Variants in PALS2 observed in about 807,000 individuals in gnomAD.
PALS2 encodes the protein protein associated with LIN7 2, MAGUK p55 family member.
Under a neutral mutation model 61.6 loss-of-function variants are expected in PALS2, and 27 were observed. The observed-to-expected ratio is 0.44, with a 90% CI of 0.32 to 0.60. PALS2 has a LOEUF of 0.60. PALS2 is among the 20% of genes least tolerant of loss of function. The pLI is 0.05. For missense variants in PALS2, 554 were observed against 639.4 expected, an observed-to-expected ratio of 0.87 and a Z score of 1.44; for synonymous variants, 236 against 218.6, an observed-to-expected ratio of 1.08 and a Z score of -0.70.
chr7:24,644,495 G>GGTGT (rs1309158461), intron 3 of PALS2, among the ~76,000 whole-genome samples: 5 of 149,266 alleles, frequency 3.3e-5, no homozygotes, highest in South Asian at 4.2e-4. Flanking sequence ...GGTATTCCAT[G>GGTGT]GTGTGTGTGT....
Position 24,687,266 on chromosome 7 carries a change from C to T in PALS2, c.1447-172C>T, listed in dbSNP as rs1348661172. ...ATGAGTGTTGTTGGAAAGAATAAGA[C>T]ATGAACAGATGGCAGTGTTGTCTTT... On this transcript the variant is annotated intron_variant, in intron 11 of 11. Transcript: ENST00000222644. The surrounding 1 kb of genome is among the most constrained non-coding windows in gnomAD (Gnocchi z 4.5). Among the ~76,000 whole-genome samples, 1 of 152,098 alleles carries T rather than the reference C, an allele frequency of 6.6e-6. No homozygotes were observed. The highest frequency in any genetic ancestry group is 1.5e-5 in the Non-Finnish European group (1 of 68,000).
At chr7:24,629,642 AC>A (rs1784909344) in intron 2 of PALS2, among the ~76,000 whole-genome samples, 1 of 152,276 alleles carries the variant, frequency 6.6e-6, no homozygotes, top group African/African-American at 2.4e-5. Flanking sequence ...CAAGAAAAAA[AC>A]AACCCCATCA....
chr7:24,678,301 C>G (rs879039958), intron 9 of PALS2, among the ~76,000 whole-genome samples: 1 of 152,134 alleles, frequency 6.6e-6, no homozygotes, highest in South Asian at 2.1e-4. Context: ...AAAAGGATCT[C>G]CTACTTCTAA....
At chr7:24,648,217 A>G (rs565387101) in intron 3 of PALS2, among the ~76,000 whole-genome samples, 1 of 151,982 alleles carries the variant, frequency 6.6e-6, no homozygotes, top group East Asian at 1.9e-4. Flanking sequence ...TTTGAACTTG[A>G]ATTCTATCCA....
chr7:24,578,236 C>T (rs935496980), intron 1 of PALS2, among the ~76,000 whole-genome samples: 7 of 152,190 alleles, frequency 4.6e-5, no homozygotes, highest in African/African-American at 1.7e-4. Context: ...TAAGCATGAA[C>T]CACCACACCC....
intron 2 of PALS2, among the ~76,000 whole-genome samples, chr7:24,624,700 G>C (rs1449474274): frequency 1.4e-5 from 2 of 143,456 alleles, no homozygotes; most frequent in East Asian, 4.5e-4. Flanking sequence ...TCTGCCTGCT[G>C]GGTTCAAGTG....
intron 1 of PALS2, among the ~76,000 whole-genome samples, chr7:24,601,618 C>CT (rs539169189): frequency 1.6e-3 from 238 of 151,016 alleles, no homozygotes; most frequent in Non-Finnish European, 2.5e-3. Context: ...AGCAGCATGT[C>CT]TTTTTTTTTG....
intron 2 of PALS2, among the ~76,000 whole-genome samples, chr7:24,624,675 C>T (rs1261529573): frequency 1.4e-5 from 2 of 138,422 alleles, no homozygotes; most frequent in Admixed American, 7.6e-5. Context: ...GGCACGATCT[C>T]AGCTCACTGC....
intron 11 of PALS2, among the ~76,000 whole-genome samples, chr7:24,683,264 C>T (rs1034765067): frequency 6.6e-6 from 1 of 152,096 alleles, no homozygotes; most frequent in African/African-American, 2.4e-5. Context: ...TTCTGAGGTA[C>T]GATTGATACA....
intron 2 of PALS2, among the ~76,000 whole-genome samples, chr7:24,640,871 G>A (rs995876959): frequency 1.3e-5 from 2 of 151,960 alleles, no homozygotes; most frequent in East Asian, 1.9e-4. Flanking sequence ...AGCCAGGCTT[G>A]GTGGCGGGTA....
At chr7:24,647,740 A>G (rs887727208) in intron 3 of PALS2, among the ~76,000 whole-genome samples, 5 of 152,208 alleles carry the variant, frequency 3.3e-5, no homozygotes. Context: ...TGCAGTTTCA[A>G]GTGGTAACAA....
chr7:24,663,593 T>C lies in PALS2; in HGVS notation c.655T>C (p.Phe219Leu), dbSNP rs762144342. 21 of 1,589,470 alleles carry C rather than the reference T, an allele frequency of 1.3e-5. No individual in the cohort carries two copies. The highest frequency in any genetic ancestry group is 1.5e-5 in the Non-Finnish European group (18 of 1,161,942). ...TTAATTGTGCTATGTGTTTTAGGTA[T>C]TTGTGAAGTGTCATTTTGATTATAA... ...YRDTITPQQV[F>L]VKCHFDYNPY... Residue 219 changes from phenylalanine (F) to leucine (L), a missense_variant, in exon 6 of 12, where the codon TTT (phenylalanine) becomes CTT (leucine). By Grantham distance (22) the Phe-to-Leu change is conservative (BLOSUM62 0). Transcript: ENST00000222644.
intron 1 of PALS2, among the ~76,000 whole-genome samples, chr7:24,598,765 A>G (rs181131302): frequency 1.1e-4 from 16 of 152,162 alleles, no homozygotes; most frequent in African/African-American, 3.9e-4. Context: ...TTAATATTCC[A>G]TGCAAGGATT....
intron 9 of PALS2, among the ~76,000 whole-genome samples, chr7:24,676,226 G>A (rs952751750): frequency 3.9e-5 from 6 of 152,000 alleles, no homozygotes; most frequent in Non-Finnish European, 2.9e-5. Context: ...GGGGTTGTTT[G>A]TTTTTTTCTT....
intron 1 of PALS2, among the ~76,000 whole-genome samples, chr7:24,609,305 CTGAG>C (rs1784032462): frequency 6.6e-6 from 1 of 152,168 alleles, no homozygotes; most frequent in Non-Finnish European, 1.5e-5. Context: ...TGGTCAGGCA[CTGAG>C]TAAGTGGTGG....
chr7:24,684,034 A>G (rs535453089), intron 11 of PALS2, among the ~76,000 whole-genome samples: 2 of 152,298 alleles, frequency 1.3e-5, no homozygotes, highest in African/African-American at 4.8e-5. Context: ...CATTACTGTG[A>G]ACAGTCCCCC....
intron 11 of PALS2, among the ~76,000 whole-genome samples, chr7:24,685,496 TC>T (rs996824482): frequency 6.6e-6 from 1 of 151,746 alleles, no homozygotes; most frequent in East Asian, 1.9e-4. Context: ...TGTCTCCTCC[TC>T]CCCCCCATTT....
chr7:24,599,034 T>C (rs1783621569), intron 1 of PALS2, among the ~76,000 whole-genome samples: 1 of 152,116 alleles, frequency 6.6e-6, no homozygotes. Flanking sequence ...AGGAATAAAA[T>C]ACAGTCGTGC....
chr7:24,596,613 T>G lies in PALS2; in HGVS notation c.-3+23020T>G, dbSNP rs1783534088. Among the ~76,000 whole-genome samples, 1 of 152,162 alleles carries G rather than the reference T, an allele frequency of 6.6e-6. No individual in the cohort carries two copies. Among genetic ancestry groups the G allele is most frequent in the African/African-American group, 2.4e-5 (1 of 41,452 alleles). ...TGAAGTTTTGACTTGCTTTGTTAAT[T>G]AGTGGTTGGGTGAATAAAAATTTAC... is the stretch of plus-strand genomic sequence containing the variant. On this transcript the variant is annotated intron_variant, in intron 1 of 11. Coordinates refer to ENST00000222644, the MANE Select transcript of PALS2 (RefSeq NM_001303037.2). The surrounding 1 kb of genome is among the most constrained non-coding windows in gnomAD (Gnocchi z 4.5).
Sources: allele counts gnomAD v4.1 joint callset (sites outside exome capture counted in the v4.1 genomes callset), GRCh38; gene constraint gnomAD v4.1.1; non-coding constraint Gnocchi (gnomAD v3.1); transcripts MANE v1.5; gene names NCBI Gene and HGNC (gene_info 2026-07-23, HGNC 2026-07-21).